Variants in LRP6 observed in about 807,000 individuals in gnomAD.
The protein encoded by LRP6 is low-density lipoprotein receptor-related protein 6.
Under a neutral mutation model 184.1 loss-of-function variants are expected in LRP6, and 43 were observed. The ratio of observed to expected loss-of-function variants is 0.23; its 90% CI spans 0.18 to 0.30. LRP6 has a LOEUF of 0.30. Ranked by LOEUF, LRP6 falls within the 10% of genes least tolerant of loss-of-function variation. LRP6 has a pLI of 1.00. For synonymous variants in LRP6, 719 were observed against 684.9 expected, an observed-to-expected ratio of 1.05 and a Z score of -0.78; for missense variants, 1,571 against 2,005.3, an observed-to-expected ratio of 0.78 and a Z score of 4.14.
intron 2 of LRP6, among the ~76,000 whole-genome samples, chr12:12,221,576 C>T (rs370156081): frequency 2.8e-4 from 43 of 152,296 alleles, no homozygotes; most frequent in African/African-American, 1.0e-3. Context: ...TGGGTTCTTT[C>T]ATCAGAGATT....
intron 1 of LRP6, among the ~76,000 whole-genome samples, chr12:12,256,072 A>C (rs1865456882): frequency 6.6e-6 from 1 of 152,212 alleles, no homozygotes; most frequent in Non-Finnish European, 1.5e-5. Flanking sequence ...ATCTGGCTTT[A>C]GTCATTCATC....
intron 2 of LRP6, among the ~76,000 whole-genome samples, chr12:12,237,577 A>G (rs2135905130): frequency 6.6e-6 from 1 of 152,372 alleles, no homozygotes; most frequent in East Asian, 1.9e-4. Context: ...CAAGTGATCA[A>G]CTGTAACATC....
chr12:12,227,973 G>A (rs1233455394), intron 2 of LRP6, among the ~76,000 whole-genome samples: 1 of 152,162 alleles, frequency 6.6e-6, no homozygotes, highest in African/African-American at 2.4e-5. Flanking sequence ...TGTAAAGCTT[G>A]GCACTCATTT....
intron 19 of LRP6, among the ~76,000 whole-genome samples, chr12:12,129,374 G>A (rs528383390): frequency 7.9e-4 from 120 of 152,168 alleles, no homozygotes; most frequent in African/African-American, 2.8e-3. Context: ...CTTTACCTAT[G>A]TTATCTCTTG....
At chr12:12,202,393 A>T (rs1356440222) in intron 3 of LRP6, among the ~76,000 whole-genome samples, 1 of 152,170 alleles carries the variant, frequency 6.6e-6, no homozygotes, top group African/African-American at 2.4e-5. Flanking sequence ...AATGACAAAA[A>T]TTAGCCCGGT....
intron 2 of LRP6, among the ~76,000 whole-genome samples, chr12:12,235,556 C>T (rs943589173): frequency 5.3e-5 from 8 of 151,920 alleles, no homozygotes; most frequent in Non-Finnish European, 7.4e-5. Context: ...CATGCAGAAA[C>T]CCCGTCTCTA....
rs150471422 is a variant in LRP6, at chr12:12,178,017, T to G, written c.1545+1793A>C. On this transcript the variant is annotated intron_variant, in intron 7 of 22. Coordinates refer to ENST00000261349, the MANE Select transcript of LRP6 (RefSeq NM_002336.3). ...CCAATGACACCACTGTATGTATGTG[T>G]CTGTATGTATATATATATATATGCA... Among the ~76,000 whole-genome samples the G allele has an allele frequency of 3.5e-3, 528 of 152,216 alleles. 4 individuals are homozygous for G. Among genetic ancestry groups the G allele is most frequent in the Middle Eastern group, 0.017 (5 of 294 alleles).
chr12:12,206,260 T>G (rs189902707), intron 2 of LRP6, among the ~76,000 whole-genome samples: 3 of 152,250 alleles, frequency 2.0e-5, no homozygotes, highest in Middle Eastern at 3.4e-3. Flanking sequence ...TTTTTCATTT[T>G]GGCCAGGTGC....
rs546519505 is a variant in LRP6 at position 12,116,951 on chromosome 12, ATAATT to A, written c.*4170_*4174del. 8.1e-4 allele frequency: 124 copies of A among 152,306 alleles called. No individual in the cohort carries two copies. The highest frequency in any genetic ancestry group is 3.0e-3 in the African/African-American group (123 of 41,556). 9.4% of individuals were successfully genotyped at this position (152,306 alleles called of 1,614,324 possible). On this transcript the variant is annotated 3_prime_UTR_variant, in exon 23 of 23. Coordinates refer to ENST00000261349, the MANE Select transcript of LRP6 (RefSeq NM_002336.3). ...CTGAGAGTGTGAATTCACAATACTT[ATAATT>A]TAAATTTTAAAAAAATTATAAACGT...
Position 12,130,784 on chromosome 12 carries a change from A to G in LRP6, c.4080T>C (p.Cys1360=). 6.3e-7 allele frequency: 1 copy of G among 1,598,894 alleles called. No homozygotes were observed. Among genetic ancestry groups the G allele is most frequent in the Non-Finnish European group, 8.6e-7 (1 of 1,166,156 alleles). Residue 1360 remains cysteine (C), a splice_region_variant and synonymous_variant, in exon 19 of 23, where the codon TGT becomes TGC. Transcript: ENST00000261349. The stretch of plus-strand genomic sequence containing the variant: ...TTTATAGATCTCAGTCCTACTTACA[A>G]CAATCCAGTTCATCTGACTTGTCAC... ...DCSDKSDELD[C]YPTEEPAPQA...
chr12:12,202,529 T>C (rs1039412220), intron 3 of LRP6, among the ~76,000 whole-genome samples: 1 of 152,180 alleles, frequency 6.6e-6, no homozygotes, highest in African/African-American at 2.4e-5. Context: ...GATGACAAGG[T>C]GAGACTCTGT....
chr12:12,139,215 A>T (rs1017572913), intron 15 of LRP6, among the ~76,000 whole-genome samples: 6 of 152,306 alleles, frequency 3.9e-5, no homozygotes, highest in Non-Finnish European at 8.8e-5. Flanking sequence ...TTCCTAAGTC[A>T]TGAGTTCAGT....
chr12:12,176,384 T>C (rs960341728), intron 7 of LRP6, among the ~76,000 whole-genome samples: 2 of 152,168 alleles, frequency 1.3e-5, no homozygotes, highest in African/African-American at 4.8e-5. Context: ...AAAACAGACA[T>C]ACCCTCACAT....
Position 12,183,972 on chromosome 12 carries a change from C to T in LRP6, c.976+8G>A. ...TAAAATTTTTCATTTTGGATAATAT[C>T]TTCTTACCATCTTTGCAGGTTTTTC... is the stretch of plus-strand genomic sequence containing the variant. On this transcript the variant is annotated splice_region_variant and intron_variant, in intron 5 of 22. Transcript: ENST00000261349. 1 of 1,612,464 alleles carries T rather than the reference C, an allele frequency of 6.2e-7. No individual in the cohort carries two copies. The highest frequency in any genetic ancestry group is 8.5e-7 in the Non-Finnish European group (1 of 1,178,708).
At chr12:12,266,558 C>A in intron 1 of LRP6, 123 bp downstream of exon 1, 1 of 867,566 alleles carries the variant, frequency 1.2e-6, no homozygotes, top group South Asian at 1.6e-5. Context: ...TCCCCACGAC[C>A]AGGCCTCTCC....
At chr12:12,210,997 T>C (rs1437514217) in intron 2 of LRP6, 1 of 152,228 alleles carries the variant, frequency 6.6e-6, no homozygotes, top group Non-Finnish European at 1.5e-5. Flanking sequence ...AAATCGGACC[T>C]ACTTCTGCAC....
rs982177444 is a variant in LRP6 at position 12,135,188 on chromosome 12, C to T, written c.3720G>A (p.Glu1240=). The change falls in exon 17 of 23, where the codon GAG becomes GAA. Residue 1240 remains glutamate, a synonymous_variant. Transcript: ENST00000261349. Reference sequence around the variant, plus strand: ...CAACATATTTACCTCCACATGATAGCTCATCTTGAAGTAGAACCAGGTGCA... The same window carrying T: ...CAACATATTTACCTCCACATGATAGTTCATCTTGAAGTAGAACCAGGTGCA... The part of the protein sequence containing the change: ...CPMHLVLLQD[E]LSCGEPPTCS... The T allele has an allele frequency of 3.1e-6, 5 of 1,613,748 alleles. No homozygotes were observed. The African/African-American group carries it at 6.7e-5, about 22-fold the overall frequency.
intron 3 of LRP6, among the ~76,000 whole-genome samples, chr12:12,188,069 AG>A (rs1460121008): frequency 1.3e-5 from 2 of 151,924 alleles, no homozygotes; most frequent in African/African-American, 4.8e-5. Context: ...AAAATTAGCC[AG>A]GCGTGGTGGT....
intron 2 of LRP6, among the ~76,000 whole-genome samples, chr12:12,211,711 C>T (rs2137061119): frequency 6.6e-6 from 1 of 152,172 alleles, no homozygotes; most frequent in East Asian, 1.9e-4. Context: ...TCATGAACAG[C>T]CTTAAGCACC....
Sources: gnomAD v4.1 joint callset for allele counts (sites outside exome capture counted in the v4.1 genomes callset) on GRCh38, gnomAD v4.1.1 for gene constraint, MANE v1.5 for transcripts, NCBI Gene and HGNC (gene_info 2026-07-23, HGNC 2026-07-21) for gene names.